The following PLEKHA5 variants were observed in gnomAD, a reference collection of about 807,000 sequenced individuals.
PLEKHA5 encodes pleckstrin homology domain containing A5, also known as pleckstrin homology domain-containing family A member 5.
A neutral mutation model predicts 181.9 loss-of-function variants in PLEKHA5; 55 were observed. That is an observed-to-expected ratio of 0.30 (90% CI 0.24 to 0.38). The LOEUF (loss-of-function observed/expected upper bound fraction) is 0.38, where lower values mean the gene tolerates loss of function less well. Ranked by LOEUF, PLEKHA5 falls within the 10% of genes least tolerant of loss-of-function variation. The probability of loss-of-function intolerance (pLI) is 1.00; values close to 1 mark genes in which losing one functional copy is unlikely to be tolerated. For synonymous variants in PLEKHA5, 535 were observed against 529.4 expected (o/e 1.01, Z -0.15); for missense variants, 1,432 against 1,549.5 (o/e 0.92, Z 1.27).
Position 19,283,318 on chromosome 12 carries a change from G to A in PLEKHA5, c.1352G>A (p.Ser451Asn). 2 of 1,612,680 alleles carry A rather than the reference G, an allele frequency of 1.2e-6. No individual in the cohort carries two copies. Among genetic ancestry groups the A allele is most frequent in the Non-Finnish European group, 1.7e-6 (2 of 1,179,556 alleles). The change falls in exon 12 of 32, where the codon AGT becomes AAT. Residue 451 changes from serine (S) to asparagine (N), a missense_variant. Ser to Asn is a conservative substitution (Grantham distance 46). Transcript: ENST00000429027. ...CAAACATTACCAAGAAATATGCCAA[G>A]TCACAGAGCCCAGATTATGGCCCGC... ...SYQTLPRNMP[S>N]HRAQIMARYP...
intron 20 of PLEKHA5, among the ~76,000 whole-genome samples, chr12:19,329,683 T>C (rs1041584474): frequency 2.6e-5 from 4 of 152,298 alleles, no homozygotes; most frequent in South Asian, 2.1e-4. Context: ...TGTAATGTCA[T>C]CTTTGTTGCT....
chr12:19,203,360 C>G (rs1429068316), intron 3 of PLEKHA5, among the ~76,000 whole-genome samples: 3 of 152,096 alleles, frequency 2.0e-5, no homozygotes, highest in African/African-American at 7.2e-5. Context: ...CTTCCAGATT[C>G]CATCCCAGAA....
At chr12:19,289,692 G>A (rs1044109892) in intron 13 of PLEKHA5, among the ~76,000 whole-genome samples, 12 of 152,074 alleles carry the variant, frequency 7.9e-5, no homozygotes, top group African/African-American at 2.7e-4. Flanking sequence ...TTGGATCACA[G>A]TCACCAATCA....
At chr12:19,229,622 CA>C (rs1159128811) in intron 3 of PLEKHA5, among the ~76,000 whole-genome samples, 1 of 152,082 alleles carries the variant, frequency 6.6e-6, no homozygotes, top group African/African-American at 2.4e-5. Flanking sequence ...AGTGCGGACC[CA>C]AAGAGTAAGC....
intron 3 of PLEKHA5, among the ~76,000 whole-genome samples, chr12:19,215,728 T>C (rs1377994961): frequency 6.6e-6 from 1 of 152,164 alleles, no homozygotes; most frequent in African/African-American, 2.4e-5. Context: ...ACAAGAGCTA[T>C]AATAGGCACT....
At chr12:19,249,011 T>C (rs1357472047) in intron 3 of PLEKHA5, among the ~76,000 whole-genome samples, 3 of 152,220 alleles carry the variant, frequency 2.0e-5, no homozygotes, top group Non-Finnish European at 4.4e-5. Flanking sequence ...TTTTTCTCAC[T>C]GCTTTATGAT....
chr12:19,212,407 G>A (rs1000887646), intron 3 of PLEKHA5, among the ~76,000 whole-genome samples: 9 of 152,172 alleles, frequency 5.9e-5, no homozygotes, highest in Non-Finnish European at 1.2e-4. Flanking sequence ...AATTGGCTGC[G>A]TGTGGTGGCC....
Position 19,376,375 on chromosome 12 carries a change from G to A in PLEKHA5, c.*856G>A, listed in dbSNP as rs1354362605. 2.6e-5 allele frequency: 4 copies of A among 152,372 alleles called. No individual in the cohort carries two copies. 9.4% of individuals were successfully genotyped at this position (152,372 alleles called of 1,614,324 possible). On this transcript the variant is annotated 3_prime_UTR_variant, in exon 32 of 32. Coordinates refer to ENST00000429027, the MANE Select transcript of PLEKHA5 (RefSeq NM_001256470.2). ...CATATCTCATTTCTTTTTTTATCAT[G>A]TTAAATAAATGTTGATGTTCTTAAA...
intron 22 of PLEKHA5, 91 bp downstream of exon 22, chr12:19,343,525 G>A (rs2094096592): frequency 1.3e-6 from 1 of 762,184 alleles, no homozygotes; most frequent in African/African-American, 1.7e-5. Context: ...GAAATGCATT[G>A]TTAGGTGATT....
intron 28 of PLEKHA5, among the ~76,000 whole-genome samples, chr12:19,360,913 G>A (rs185713325): frequency 4.5e-4 from 69 of 151,740 alleles, no homozygotes; most frequent in Non-Finnish European, 7.1e-4. Flanking sequence ...GTGCCACCAC[G>A]CCCAGCTAAT....
chr12:19,188,288 A>G (rs1253570931), intron 3 of PLEKHA5, among the ~76,000 whole-genome samples: 2 of 152,122 alleles, frequency 1.3e-5, no homozygotes. Context: ...AAAGTTACCA[A>G]TCCTCTCTGC....
At chr12:19,184,157 C>T (rs1205456348) in intron 3 of PLEKHA5, among the ~76,000 whole-genome samples, 4 of 152,066 alleles carry the variant, frequency 2.6e-5, no homozygotes, top group Non-Finnish European at 5.9e-5. Flanking sequence ...TTTTAAAAAT[C>T]CTCGGGGAAT....
intron 3 of PLEKHA5, among the ~76,000 whole-genome samples, chr12:19,224,002 A>G (rs1250294590): frequency 5.3e-5 from 8 of 152,200 alleles, no homozygotes; most frequent in African/African-American, 1.9e-4. Flanking sequence ...ACCTTCTGAT[A>G]CAGAATTAGT....
intron 20 of PLEKHA5, among the ~76,000 whole-genome samples, chr12:19,322,992 G>A (rs1339765558): frequency 6.7e-6 from 1 of 148,686 alleles, no homozygotes; most frequent in Admixed American, 6.8e-5. Flanking sequence ...GGGACTACAG[G>A]CTGGCACTAC....
rs139679691 is a variant in PLEKHA5, at chr12:19,318,539, T to A, written c.2119-1482T>A. Among the ~76,000 whole-genome samples, 27 of 152,356 alleles carry A rather than the reference T, an allele frequency of 1.8e-4. No individual in the cohort carries two copies. In the East Asian group the frequency reaches 5.0e-3, roughly 28 times the overall value. ...GTTGACTCTGAGATATAGGGTACAT[T>A]TGATATTTTAATCTAGATGAAACAC... On this transcript the variant is annotated intron_variant, in intron 16 of 31. Transcript: ENST00000429027.
chr12:19,266,395 G>A (rs1382742796), intron 8 of PLEKHA5, among the ~76,000 whole-genome samples: 2 of 151,860 alleles, frequency 1.3e-5, no homozygotes, highest in African/African-American at 4.8e-5. Flanking sequence ...GAGGTGAAAG[G>A]ATCACTTGGG....
At chr12:19,162,372 G>T (rs925390935) in intron 3 of PLEKHA5, among the ~76,000 whole-genome samples, 3 of 152,110 alleles carry the variant, frequency 2.0e-5, no homozygotes, top group African/African-American at 7.2e-5. Context: ...GTCAGAAGCT[G>T]TTTTGCACAT....
At chr12:19,171,137 G>C (rs1277306484) in intron 3 of PLEKHA5, among the ~76,000 whole-genome samples, 1 of 152,130 alleles carries the variant, frequency 6.6e-6, no homozygotes, top group Admixed American at 6.5e-5. Context: ...GACTTATAAA[G>C]GGGCTCTATA....
At chr12:19,329,463 G>A (rs1455914660) in intron 20 of PLEKHA5, among the ~76,000 whole-genome samples, 5 of 152,032 alleles carry the variant, frequency 3.3e-5, no homozygotes, top group African/African-American at 1.2e-4. Context: ...CATCTGATCC[G>A]TGCCTTTTTT....
Sources: gnomAD v4.1 joint callset for allele counts (sites outside exome capture counted in the v4.1 genomes callset) on GRCh38, gnomAD v4.1.1 for gene constraint, MANE v1.5 for transcripts, NCBI Gene and HGNC (gene_info 2026-07-23, HGNC 2026-07-21) for gene names.